The following MAD1L1 variants were observed in gnomAD, a reference collection of about 807,000 sequenced individuals.
MAD1L1 encodes mitotic spindle assembly checkpoint protein MAD1.
A neutral mutation model predicts 96.9 loss-of-function variants in MAD1L1; 95 were observed. That is an observed-to-expected ratio of 0.98 (90% CI 0.83 to 1.16). The LOEUF (loss-of-function observed/expected upper bound fraction) is 1.16, where lower values mean the gene tolerates loss of function less well. Among genes scored for constraint, MAD1L1 ranks in the 50% most tolerant of loss-of-function variants. The probability of loss-of-function intolerance (pLI) is 0.00; values close to 1 mark genes in which losing one functional copy is unlikely to be tolerated. For synonymous variants in MAD1L1, 473 were observed against 396.6 expected (o/e 1.19, Z -2.29); for missense variants, 1,007 against 954.4 (o/e 1.06, Z -0.73).
intron 10 of MAD1L1, among the ~76,000 whole-genome samples, chr7:2,178,832 G>A (rs1009888877): frequency 6.6e-6 from 1 of 151,806 alleles, no homozygotes; most frequent in Non-Finnish European, 1.5e-5. Flanking sequence ...AGGAGACGGA[G>A]GTTGCAGTGA....
At position 2,185,370 on chromosome 7, in the gene MAD1L1, G is replaced by A. The variant is rs1050157113; in HGVS notation, c.986+27842C>T. On this transcript the variant is annotated intron_variant, in intron 10 of 18. Transcript: ENST00000265854. ...GGGGGTAGGAATTGATTGAAGGGAC[G>A]AGAAGGAACTTCCAGAGGTAATGGA... Among the ~76,000 whole-genome samples the A allele has an allele frequency of 2.6e-5, 4 of 152,192 alleles. No individual in the cohort carries two copies. The East Asian group carries it at 5.8e-4, about 22-fold the overall frequency.
chr7:1,856,549 G>C (rs1013288831), intron 18 of MAD1L1, among the ~76,000 whole-genome samples: 1 of 152,242 alleles, frequency 6.6e-6, no homozygotes, highest in Non-Finnish European at 1.5e-5. Flanking sequence ...GGGCCTGCTC[G>C]CTCTCTGCTT....
chr7:1,974,352 T>TA (rs1780536131), intron 15 of MAD1L1, among the ~76,000 whole-genome samples: 1 of 151,526 alleles, frequency 6.6e-6, no homozygotes, highest in Non-Finnish European at 1.5e-5. Context: ...AAGAAAAGAG[T>TA]AAGGTCCAAC....
intron 17 of MAD1L1, among the ~76,000 whole-genome samples, chr7:1,901,147 TCGA>T: frequency 6.6e-6 from 1 of 152,292 alleles, no homozygotes; most frequent in Non-Finnish European, 1.5e-5. Flanking sequence ...CAAGGCTGCC[TCGA>T]CGGAGTCGGT....
intron 18 of MAD1L1, among the ~76,000 whole-genome samples, chr7:1,885,342 C>G (rs1439321431): frequency 1.3e-5 from 2 of 152,178 alleles, no homozygotes; most frequent in Non-Finnish European, 2.9e-5. Flanking sequence ...CGGTCTATCC[C>G]CAAAAACCCT....
At chr7:2,078,584 G>A (rs1360480251) in intron 11 of MAD1L1, among the ~76,000 whole-genome samples, 1 of 152,238 alleles carries the variant, frequency 6.6e-6, no homozygotes, top group Non-Finnish European at 1.5e-5. Flanking sequence ...GGCGGCCAGG[G>A]CCCCTCCATG....
rs1036479983 is a variant in MAD1L1 at position 2,018,118 on chromosome 7, T to C, written c.1219-3476A>G. On this transcript the variant is annotated intron_variant, in intron 12 of 18. Transcript: ENST00000265854. ...CGGCCCCGTGGCCCCCAAGCAGCGG[T>C]CACTTGAGGTGTGCATGCCCAGGCC... Among the ~76,000 whole-genome samples, 59 of 152,056 alleles carry C rather than the reference T, an allele frequency of 3.9e-4. 1 individual carries two copies. The highest frequency in any genetic ancestry group is 1.4e-3 in the African/African-American group (58 of 41,392).
chr7:2,008,077 C>T (rs955566040), intron 13 of MAD1L1, among the ~76,000 whole-genome samples: 6 of 152,238 alleles, frequency 3.9e-5, no homozygotes, highest in African/African-American at 1.4e-4. Flanking sequence ...TGACGGTCAA[C>T]ATGGATCAAA....
chr7:2,217,140 G>A (rs1228671954), intron 7 of MAD1L1, among the ~76,000 whole-genome samples: 1 of 152,192 alleles, frequency 6.6e-6, no homozygotes, highest in African/African-American at 2.4e-5. Context: ...CACTCTAGCA[G>A]CACGTGTGAC....
intron 14 of MAD1L1, among the ~76,000 whole-genome samples, chr7:1,998,125 C>T (rs935423427): frequency 2.6e-5 from 4 of 152,226 alleles, no homozygotes; most frequent in East Asian, 1.9e-4. Flanking sequence ...TCCAGCCCAG[C>T]GCTGCACCAA....
rs115918141 is a variant in MAD1L1 at position 2,109,921 on chromosome 7, T to C, written c.1073+39231A>G. Among the ~76,000 whole-genome samples the C allele has an allele frequency of 8.6e-3, 1,303 of 152,322 alleles. 18 individuals carry two copies. The highest frequency in any genetic ancestry group is 0.03 in the African/African-American group (1,230 of 41,568). On this transcript the variant is annotated intron_variant, in intron 11 of 18. Transcript: ENST00000265854. ...CAAGAAGTCTGAGAGTTGGCGACAA[T>C]ATCCACCCTTCTCCACAGCGCAGAG...
chr7:2,221,764 T>G (rs958184641), intron 5 of MAD1L1, among the ~76,000 whole-genome samples: 3 of 152,130 alleles, frequency 2.0e-5, no homozygotes, highest in Non-Finnish European at 1.5e-5. Flanking sequence ...CAGACGTGCC[T>G]CCTTAAGCCT....
intron 13 of MAD1L1, among the ~76,000 whole-genome samples, chr7:2,009,749 G>A (rs1484121356): frequency 6.6e-6 from 1 of 152,216 alleles, no homozygotes; most frequent in East Asian, 1.9e-4. Flanking sequence ...GGGATGCTCT[G>A]AGGGTGGCAG....
intron 18 of MAD1L1, chr7:1,829,375 C>T (rs1160314420): frequency 6.6e-6 from 1 of 152,316 alleles, no homozygotes; most frequent in Non-Finnish European, 1.5e-5. Context: ...GAGCGGCCCA[C>T]ACGGCGAGGA....
At position 1,844,148 on chromosome 7, in the gene MAD1L1, G is replaced by A. The variant is rs192741013; in HGVS notation, c.1999-27920C>T. On this transcript the variant is annotated intron_variant, in intron 18 of 18. Transcript: ENST00000265854. ...ACGGAGCCTCACACACGGCTGAACCGCTTAACTCACATCCAGCCACAGAAC... is the reference window on the plus strand; with the variant it reads ...ACGGAGCCTCACACACGGCTGAACCACTTAACTCACATCCAGCCACAGAAC... 1.8e-3 allele frequency: 276 copies of A among 154,610 alleles called. 1 individual carries two copies. The highest frequency in any genetic ancestry group is 6.1e-3 in the African/African-American group (256 of 41,638). The allele number at this position is 154,610 out of a possible 1,614,324, so 9.6% of individuals were successfully genotyped here.
intron 18 of MAD1L1, among the ~76,000 whole-genome samples, chr7:1,822,222 C>T (rs1475064559): frequency 6.6e-6 from 1 of 151,940 alleles, no homozygotes; most frequent in Non-Finnish European, 1.5e-5. Flanking sequence ...ATTTACAGAA[C>T]ATCTTAAATA....
intron 18 of MAD1L1, among the ~76,000 whole-genome samples, chr7:1,824,855 T>C (rs1213755155): frequency 6.6e-6 from 1 of 152,056 alleles, no homozygotes; most frequent in African/African-American, 2.4e-5. Context: ...GGCACTTTCA[T>C]GCACACATGG....
intron 14 of MAD1L1, among the ~76,000 whole-genome samples, chr7:1,997,821 C>T (rs921942019): frequency 2.0e-5 from 3 of 152,342 alleles, no homozygotes; most frequent in African/African-American, 7.2e-5. Context: ...CCAGGACCTC[C>T]TCTGAAGGGC....
At chr7:2,199,351 G>A (rs1454112201) in intron 10 of MAD1L1, among the ~76,000 whole-genome samples, 2 of 152,152 alleles carry the variant, frequency 1.3e-5, no homozygotes, top group East Asian at 1.9e-4. Context: ...GATTCCACAC[G>A]TTCACCTTTC....
Sources: gnomAD v4.1 joint callset for allele counts (sites outside exome capture counted in the v4.1 genomes callset) on GRCh38, gnomAD v4.1.1 for gene constraint, MANE v1.5 for transcripts, NCBI Gene and HGNC (gene_info 2026-07-23, HGNC 2026-07-21) for gene names.